The following ABI3BP variants were observed in gnomAD, a reference collection of about 807,000 sequenced individuals.
The protein encoded by ABI3BP is target of Nesh-SH3.
Under a neutral mutation model 268.6 loss-of-function variants are expected in ABI3BP, and 216 were observed. The observed-to-expected ratio is 0.80, with a 90% CI of 0.72 to 0.90. The LOEUF is 0.90. ABI3BP is among the 40% of genes least tolerant of loss of function. ABI3BP has a pLI of 0.00. For missense variants in ABI3BP, 2,090 were observed against 2,182.4 expected, an observed-to-expected ratio of 0.96 and a Z score of 0.84; for synonymous variants, 730 against 730.0, an observed-to-expected ratio of 1.00 and a Z score of 0.00.
chr3:100,847,497 G>T, intron 19 of ABI3BP, 105 bp downstream of exon 19: 1 of 1,000,606 alleles, frequency 1.0e-6, no homozygotes, highest in Non-Finnish European at 1.6e-6. Context: ...CAAATGAACC[G>T]TTTTGAGTAT....
chr3:100,940,829 T>TATATAGATAG (rs1244113888), intron 1 of ABI3BP, among the ~76,000 whole-genome samples: 1 of 41,232 alleles, frequency 2.4e-5, no homozygotes, highest in Non-Finnish European at 4.3e-5. Context: ...TATATATATA[T>TATATAGATAG]ATGATATGAT....
At chr3:100,932,202 A>G (rs1356093726) in intron 1 of ABI3BP, among the ~76,000 whole-genome samples, 6 of 152,062 alleles carry the variant, frequency 3.9e-5, no homozygotes, top group African/African-American at 1.4e-4. Flanking sequence ...ATAAAAATCA[A>G]CTCAACATGG....
chr3:100,947,952 A>G (rs920449916), intron 1 of ABI3BP, among the ~76,000 whole-genome samples: 8 of 152,154 alleles, frequency 5.3e-5, no homozygotes, highest in African/African-American at 1.9e-4. Flanking sequence ...ATGGGTAGCA[A>G]TGAGTCAGCC....
intron 20 of ABI3BP, chr3:100,843,536 TGTGTGTGAGAGAGAGAGA>T: frequency 4.5e-6 from 4 of 880,424 alleles, no homozygotes; most frequent in Non-Finnish European, 5.3e-6. Context: ...TGTGTGTGTG[TGTGTGTGAGAGAGAGAGA>T]GAGAGAGAGA....
At chr3:100,844,607 A>G (rs2098746741) in intron 20 of ABI3BP, 2 of 204,256 alleles carry the variant, frequency 9.8e-6, no homozygotes, top group Non-Finnish European at 1.7e-5. Flanking sequence ...TAGGAGAGCT[A>G]TAAAGGTGGT....
chr3:100,815,990 AT>A lies in ABI3BP; in HGVS notation c.3230-20del, dbSNP rs1254266927. ...ACAGAAACTAACCAAAAGCAACAAC[AT>A]GAATACAAGAAAGCTTAAAGACTTT... On this transcript the variant is annotated intron_variant, in intron 43 of 67. Transcript: ENST00000471714. 6.7e-7 allele frequency: 1 copy of A among 1,492,120 alleles called. No homozygotes were observed. Among genetic ancestry groups the A allele is most frequent in the African/African-American group, 1.4e-5 (1 of 70,804 alleles). 92.4% of individuals were successfully genotyped at this position (1,492,120 alleles called of 1,614,324 possible).
chr3:100,822,495 G>A, intron 38 of ABI3BP, 94 bp downstream of exon 38: 1 of 1,044,992 alleles, frequency 9.6e-7, no homozygotes, highest in Non-Finnish European at 1.4e-6. Context: ...CCTCTCACAG[G>A]GGCCTATTGG....
intron 1 of ABI3BP, among the ~76,000 whole-genome samples, chr3:100,975,761 A>T (rs2085865203): frequency 6.6e-6 from 1 of 152,118 alleles, no homozygotes; most frequent in Admixed American, 6.6e-5. Flanking sequence ...AAGAGACCAC[A>T]GGGGGCCTTG....
rs116501477 is a variant in ABI3BP at position 100,845,330 on chromosome 3, C to T, written c.1723+1042G>A. ...AGTGAGAGTTTTTCATTCCATTTCT[C>T]TGACTTGGAGACCTCATCCATGGTC... On this transcript the variant is annotated intron_variant, in intron 20 of 67. Transcript: ENST00000471714. Among the ~76,000 whole-genome samples, 1,138 of 152,280 alleles carry T rather than the reference C, an allele frequency of 7.5e-3. 17 individuals carry two copies. The highest frequency in any genetic ancestry group is 0.026 in the African/African-American group (1,092 of 41,570).
At position 100,886,170 on chromosome 3, in the gene ABI3BP, C is replaced by A. The variant is rs990128320; in HGVS notation, c.615G>T (p.Lys205Asn). ...CAACAACAGTCTTGTGATTGAAAAT[C>A]TTACTCCAAATTCCACCTTCCACAT... ...KDNVEGGIWS[K>N]IFNHKTVVGS... Residue 205 changes from lysine (K) to asparagine (N), a missense_variant, in exon 5 of 68, where the codon AAG (lysine) becomes AAT (asparagine). Physicochemically the swap from Lys to Asn is moderately conservative, Grantham distance 94. Transcript: ENST00000471714. 6.3e-7 allele frequency: 1 copy of A among 1,599,142 alleles called. No homozygotes were observed. Among genetic ancestry groups the A allele is most frequent in the Non-Finnish European group, 8.5e-7 (1 of 1,173,254 alleles).
chr3:100,777,956 T>C (rs1282796571), intron 59 of ABI3BP, among the ~76,000 whole-genome samples: 1 of 152,196 alleles, frequency 6.6e-6, no homozygotes, highest in Admixed American at 6.5e-5. Context: ...ATCACATCTA[T>C]TATTCCTGGG....
At chr3:100,978,012 G>A (rs1249836425) in intron 1 of ABI3BP, among the ~76,000 whole-genome samples, 2 of 152,120 alleles carry the variant, frequency 1.3e-5, no homozygotes, top group Non-Finnish European at 2.9e-5. Context: ...CAGCTCTTAA[G>A]TTTTATCAGC....
intron 24 of ABI3BP, among the ~76,000 whole-genome samples, chr3:100,838,962 A>G (rs536498167): frequency 5.3e-4 from 81 of 152,338 alleles, no homozygotes; most frequent in African/African-American, 1.9e-3. Flanking sequence ...TGAAATGATT[A>G]TAATCAAACA....
chr3:100,820,251 T>TGTG lies in ABI3BP; in HGVS notation c.2997_2999dup (p.Thr1000dup). On this transcript the variant is annotated inframe_insertion, in exon 40 of 68. Transcript: ENST00000471714. Reference sequence around the variant, plus strand: ...TGGTTTGAGGAACCTCAGGACTTGGTGTGGTTTTAGTTTTGGGACGTGGAC... The same window carrying TGTG: ...TGGTTTGAGGAACCTCAGGACTTGGTGTGGTGGTTTTAGTTTTGGGACGTGGAC... The TGTG allele has an allele frequency of 6.5e-7, 1 of 1,536,220 alleles. No homozygotes were observed. The highest frequency in any genetic ancestry group is 8.7e-7 in the Non-Finnish European group (1 of 1,146,862).
At chr3:100,778,528 ATAT>A in intron 58 of ABI3BP, 152 bp from the exon 59 acceptor site, 1 of 649,536 alleles carries the variant, frequency 1.5e-6, no homozygotes, top group Middle Eastern at 4.2e-4. Flanking sequence ...GCACACAAAT[ATAT>A]TCAGATATTC....
At chr3:100,885,336 TCAAA>T (rs1011144763) in intron 6 of ABI3BP, among the ~76,000 whole-genome samples, 196 bp downstream of exon 6, 6 of 152,164 alleles carry the variant, frequency 3.9e-5, no homozygotes, top group Non-Finnish European at 8.8e-5. Flanking sequence ...TTTTAGAACT[TCAAA>T]CAAATCAGAG....
At position 100,829,606 on chromosome 3, in the gene ABI3BP, A is replaced by G. The variant is rs1045526427; in HGVS notation, c.2517T>C (p.Ser839=). The change falls in exon 33 of 68, where the codon AGT becomes AGC. Residue 839 remains serine (S), a synonymous_variant. Transcript: ENST00000471714. ...CCAGTTCAGTCTGAAGCTCTTCGGG[A>G]CTCAGTGTGGTTTTAGGTTTGGGAT... ...RPHPKPKTTL[S]PEELQTELVP... 1 of 1,535,368 alleles carries G rather than the reference A, an allele frequency of 6.5e-7. No homozygotes were observed. The highest frequency in any genetic ancestry group is 1.4e-5 in the African/African-American group (1 of 72,894).
chr3:100,906,626 C>T (rs2053564713), intron 2 of ABI3BP, among the ~76,000 whole-genome samples: 2 of 152,178 alleles, frequency 1.3e-5, no homozygotes, highest in Non-Finnish European at 2.9e-5. Context: ...ATGCAGTTAC[C>T]TTAACAAAGT....
At chr3:100,915,121 G>A (rs1273284180) in intron 2 of ABI3BP, among the ~76,000 whole-genome samples, 2 of 152,052 alleles carry the variant, frequency 1.3e-5, no homozygotes, top group African/African-American at 4.8e-5. Flanking sequence ...CACTGTACAG[G>A]TGGGTGCAGA....
Sources: allele counts gnomAD v4.1 joint callset (sites outside exome capture counted in the v4.1 genomes callset), GRCh38; gene constraint gnomAD v4.1.1; transcripts MANE v1.5; gene names NCBI Gene and HGNC (gene_info 2026-07-23, HGNC 2026-07-21).